The following ANKS1B variants were observed in gnomAD, a reference collection of about 807,000 sequenced individuals.
The protein encoded by ANKS1B is ankyrin repeat and sterile alpha motif domain-containing protein 1B.
In ANKS1B, 36 loss-of-function variants were observed where a neutral mutation model predicts 148.3. That is an observed-to-expected ratio of 0.24 (90% confidence interval 0.19 to 0.32). The LOEUF is 0.32. Ranked by LOEUF, ANKS1B falls within the 10% of genes least tolerant of loss-of-function variation. ANKS1B has a pLI of 1.00. For synonymous variants in ANKS1B, 542 were observed against 560.8 expected (o/e 0.97, Z 0.47); for missense variants, 1,157 against 1,542.6 (o/e 0.75, Z 4.19).
chr12:98,920,285 G>A (rs754072842), intron 17 of ANKS1B, among the ~76,000 whole-genome samples: 7 of 152,202 alleles, frequency 4.6e-5, no homozygotes, highest in African/African-American at 7.2e-5. Context: ...TGGATCAAAC[G>A]CTGCCAATTG....
chr12:99,567,125 G>T (rs2097403037), intron 9 of ANKS1B, among the ~76,000 whole-genome samples: 1 of 152,026 alleles, frequency 6.6e-6, no homozygotes, highest in South Asian at 2.1e-4. Context: ...TAGAGCTTGG[G>T]GTTCTCTCTC....
chr12:99,548,588 T>C (rs867850736), intron 9 of ANKS1B, among the ~76,000 whole-genome samples: 3 of 152,098 alleles, frequency 2.0e-5, no homozygotes, highest in South Asian at 2.1e-4. Context: ...AATGTAAATC[T>C]TCTTGGAGAA....
At chr12:98,951,039 C>T (rs2099853363) in intron 17 of ANKS1B, among the ~76,000 whole-genome samples, 1 of 152,078 alleles carries the variant, frequency 6.6e-6, no homozygotes, top group Non-Finnish European at 1.5e-5. Flanking sequence ...TCTACAACCC[C>T]CCTGAAATTA....
intron 17 of ANKS1B, among the ~76,000 whole-genome samples, chr12:99,017,659 C>T (rs926207800): frequency 6.6e-6 from 1 of 152,110 alleles, no homozygotes; most frequent in African/African-American, 2.4e-5. Context: ...CCCCTGCCCA[C>T]CAAATTGTCC....
At chr12:99,243,305 T>G (rs2089691320) in intron 14 of ANKS1B, among the ~76,000 whole-genome samples, 1 of 152,148 alleles carries the variant, frequency 6.6e-6, no homozygotes, top group Non-Finnish European at 1.5e-5. Flanking sequence ...ATCAGAGAAA[T>G]GCAAATCAAA....
intron 17 of ANKS1B, among the ~76,000 whole-genome samples, chr12:98,851,098 A>G (rs2099522472): frequency 6.6e-6 from 1 of 152,200 alleles, no homozygotes; most frequent in Admixed American, 6.5e-5. Context: ...GGAGCTACAA[A>G]CAATGCAGCC....
intron 9 of ANKS1B, among the ~76,000 whole-genome samples, chr12:99,591,275 C>T (rs748378671): frequency 9.2e-5 from 14 of 151,584 alleles, no homozygotes; most frequent in Non-Finnish European, 1.5e-4. Context: ...TACTTCATAC[C>T]GAATTAGAAT....
At chr12:99,691,340 T>C (rs2098678407) in intron 8 of ANKS1B, among the ~76,000 whole-genome samples, 1 of 152,242 alleles carries the variant, frequency 6.6e-6, no homozygotes, top group African/African-American at 2.4e-5. Flanking sequence ...TGCAAATTTC[T>C]GCATCAGGCT....
chr12:99,069,435 A>G (rs950279051), intron 16 of ANKS1B, among the ~76,000 whole-genome samples: 2 of 152,224 alleles, frequency 1.3e-5, no homozygotes, highest in African/African-American at 4.8e-5. Flanking sequence ...ACCTCTTAGT[A>G]TTTAGAAAAT....
chr12:98,751,457 T>C lies in ANKS1B; in HGVS notation c.3645A>G (p.Leu1215=). 2 of 1,614,018 alleles carry C rather than the reference T, an allele frequency of 1.2e-6. No individual in the cohort carries two copies. Among genetic ancestry groups the C allele is most frequent in the Non-Finnish European group, 1.7e-6 (2 of 1,179,896 alleles). ...QAFEVAYQLA[L]QARKGGHSST... ...AGGAGTGTCCCCCTTTTCTTGCTTGTAGTGCTAGCTGGTAAGCGACTTCGA... is the reference window on the plus strand; with the variant it reads ...AGGAGTGTCCCCCTTTTCTTGCTTGCAGTGCTAGCTGGTAAGCGACTTCGA... Residue 1215 remains leucine (L), a synonymous_variant, in exon 26 of 27, where the codon CTA becomes CTG. Coordinates refer to ENST00000683438, the MANE Select transcript of ANKS1B (RefSeq NM_001352186.2). This position sits in a 1 kb window ranked among gnomAD's most constrained non-coding sequence, Gnocchi z 4.3.
At chr12:98,832,899 T>G (rs1437437807) in intron 17 of ANKS1B, among the ~76,000 whole-genome samples, 5 of 151,794 alleles carry the variant, frequency 3.3e-5, no homozygotes, top group Non-Finnish European at 5.9e-5. Context: ...CCCAAAAGCA[T>G]AAAAGGATGA....
chr12:99,953,660 G>C (rs2095267042), intron 1 of ANKS1B, among the ~76,000 whole-genome samples: 1 of 151,986 alleles, frequency 6.6e-6, no homozygotes, highest in Admixed American at 6.6e-5. Flanking sequence ...ATGCAAAGAT[G>C]AGGAAAATCA....
Position 99,275,647 on chromosome 12 carries a change from G to A in ANKS1B, c.1757-28783C>T, listed in dbSNP as rs369292761. On this transcript the variant is annotated intron_variant, in intron 12 of 26. Coordinates refer to ENST00000683438, the MANE Select transcript of ANKS1B (RefSeq NM_001352186.2). ...TGGCTATTGTGAATAGTGCTGCAACGAACATGGGAGTGCATTTATCTCTTC... is the reference window on the plus strand; with the variant it reads ...TGGCTATTGTGAATAGTGCTGCAACAAACATGGGAGTGCATTTATCTCTTC... 1.1e-4 allele frequency among the ~76,000 whole-genome samples: 17 copies of A among 152,302 alleles called. No homozygotes were observed. In the East Asian group the frequency reaches 1.9e-3, roughly 17 times the overall value.
At chr12:99,798,761 C>A (rs1259305149) in intron 4 of ANKS1B, among the ~76,000 whole-genome samples, 1 of 152,058 alleles carries the variant, frequency 6.6e-6, no homozygotes, top group Non-Finnish European at 1.5e-5. Flanking sequence ...AAGAAGAAAT[C>A]TCCCTCTATT....
chr12:99,214,374 A>C (rs1169209301), intron 14 of ANKS1B, among the ~76,000 whole-genome samples: 1 of 152,168 alleles, frequency 6.6e-6, no homozygotes, highest in Non-Finnish European at 1.5e-5. Context: ...TGTAGCTCCC[A>C]TAATCCCCAT....
chr12:99,674,796 C>A (rs996110439), intron 8 of ANKS1B, among the ~76,000 whole-genome samples: 1 of 151,512 alleles, frequency 6.6e-6, no homozygotes, highest in African/African-American at 2.4e-5. Context: ...AAAAAATTAA[C>A]CCCTGTATTT....
chr12:98,819,688 T>C (rs1355674981), intron 19 of ANKS1B, among the ~76,000 whole-genome samples: 1 of 152,218 alleles, frequency 6.6e-6, no homozygotes, highest in East Asian at 1.9e-4. Context: ...AATTAAGAGA[T>C]GGGACTACAT....
chr12:98,930,410 G>T (rs1010065587), intron 17 of ANKS1B, among the ~76,000 whole-genome samples: 7 of 152,152 alleles, frequency 4.6e-5, no homozygotes, highest in African/African-American at 1.7e-4. Flanking sequence ...GTTACCATAT[G>T]ATCCAGCAAT....
At chr12:99,658,359 C>T (rs926964848) in intron 8 of ANKS1B, among the ~76,000 whole-genome samples, 1 of 152,132 alleles carries the variant, frequency 6.6e-6, no homozygotes, top group Admixed American at 6.6e-5. Context: ...AAGTGCCTGA[C>T]ACATACAGCT....
Sources: gnomAD v4.1 joint callset for allele counts (sites outside exome capture counted in the v4.1 genomes callset) on GRCh38, gnomAD v4.1.1 for gene constraint, Gnocchi (gnomAD v3.1) non-coding constraint, MANE v1.5 for transcripts, NCBI Gene and HGNC (gene_info 2026-07-23, HGNC 2026-07-21) for gene names.